TOGARAM1: variants seen among roughly 807,000 people sequenced by gnomAD.
The protein encoded by TOGARAM1 is TOG array regulator of axonemal microtubules 1, also known as TOG array regulator of axonemal microtubules protein 1.
Under a neutral mutation model 166.6 loss-of-function variants are expected in TOGARAM1, and 100 were observed. The ratio of observed to expected loss-of-function variants is 0.60; its 90% CI spans 0.51 to 0.71. The LOEUF (loss-of-function observed/expected upper bound fraction) is 0.71, where lower values mean the gene tolerates loss of function less well. Among genes scored for constraint, TOGARAM1 ranks in the 30% least tolerant of loss-of-function variants. The pLI is 0.00. For synonymous variants in TOGARAM1, 758 were observed against 763.8 expected (o/e 0.99, Z 0.13); for missense variants, 2,029 against 2,102.7 (o/e 0.96, Z 0.69).
chr14:44,974,123 C>G (rs748332981), intron 1 of TOGARAM1, among the ~76,000 whole-genome samples: 4 of 151,756 alleles, frequency 2.6e-5, no homozygotes, highest in African/African-American at 4.8e-5. Context: ...TCTATATTCT[C>G]TTCCTAGTAA....
At position 45,001,852 on chromosome 14, in the gene TOGARAM1, A is replaced by G. The variant is rs577132764; in HGVS notation, c.2339-2209A>G. On this transcript the variant is annotated intron_variant, in intron 3 of 19. Transcript: ENST00000361462. Reference sequence around the variant, plus strand: ...GCTACCCTTTCAGATAAGACATAAGATACAGAAGAGGAAAGATTGGAGACC... The same window carrying G: ...GCTACCCTTTCAGATAAGACATAAGGTACAGAAGAGGAAAGATTGGAGACC... 1.1e-4 allele frequency among the ~76,000 whole-genome samples: 16 copies of G among 152,356 alleles called. No individual in the cohort carries two copies. In the Middle Eastern group the frequency reaches 0.01, roughly 97 times the overall value.
intron 1 of TOGARAM1, among the ~76,000 whole-genome samples, chr14:44,974,371 C>T (rs77492628): frequency 1.1e-3 from 160 of 152,034 alleles, no homozygotes; most frequent in Admixed American, 1.9e-3. Context: ...TTAGAAGTAA[C>T]GCTTCATGAC....
At chr14:44,988,651 T>C (rs978507574) in intron 1 of TOGARAM1, among the ~76,000 whole-genome samples, 6 of 152,310 alleles carry the variant, frequency 3.9e-5, no homozygotes, top group South Asian at 2.1e-4. Flanking sequence ...CTTTGAAGAG[T>C]TGGAGTCTAA....
At chr14:45,013,118 A>G (rs558398193) in intron 7 of TOGARAM1, among the ~76,000 whole-genome samples, 5 of 152,242 alleles carry the variant, frequency 3.3e-5, no homozygotes, top group South Asian at 4.1e-4. Flanking sequence ...TCAGACCACC[A>G]TCAGTACCAT....
intron 1 of TOGARAM1, among the ~76,000 whole-genome samples, chr14:44,976,694 T>C (rs1886209912): frequency 6.6e-6 from 1 of 152,182 alleles, no homozygotes; most frequent in South Asian, 2.1e-4. Flanking sequence ...TTTAAACTTT[T>C]AGCTACCAGT....
chr14:44,987,011 A>C (rs1886850315), intron 1 of TOGARAM1, among the ~76,000 whole-genome samples: 1 of 151,640 alleles, frequency 6.6e-6, no homozygotes, highest in African/African-American at 2.4e-5. Context: ...TCTCAAAAAA[A>C]AAAAAAAAGA....
At position 45,045,583 on chromosome 14, in the gene TOGARAM1, ATGTGTGTGTG is replaced by A. The variant is rs1200414644; in HGVS notation, c.4154+739_4154+748del. Among the ~76,000 whole-genome samples the A allele has an allele frequency of 3.5e-3, 132 of 37,418 alleles. 1 individual carries two copies. Among genetic ancestry groups the A allele is most frequent in the African/African-American group, 9.9e-3 (76 of 7,688 alleles). 24.5% of individuals were successfully genotyped at this position (37,418 alleles called of 152,430 possible). A position where few individuals can be genotyped will look rare whatever the true frequency, so the allele number is the denominator to read the frequency against. ...TATATATATATATATATATATATAT[ATGTGTGTGTG>A]TGTGTGTGTGTGTGTGTGTGTGTGT... On this transcript the variant is annotated intron_variant, in intron 13 of 19. Coordinates refer to ENST00000361462, the MANE Select transcript of TOGARAM1 (RefSeq NM_001308120.2).
At chr14:45,008,765 A>G (rs1879610086) in intron 5 of TOGARAM1, 148 bp from the exon 6 acceptor site, 1 of 584,210 alleles carries the variant, frequency 1.7e-6, no homozygotes. Flanking sequence ...TTGATACTAT[A>G]TACATATATA....
At chr14:44,985,553 T>G (rs754591158) in intron 1 of TOGARAM1, among the ~76,000 whole-genome samples, 34 of 152,206 alleles carry the variant, frequency 2.2e-4, no homozygotes, top group Non-Finnish European at 3.2e-4. Flanking sequence ...GCATATGCAG[T>G]TCACAATAGG....
chr14:44,999,096 T>G (rs1887569371), intron 2 of TOGARAM1, among the ~76,000 whole-genome samples: 1 of 152,172 alleles, frequency 6.6e-6, no homozygotes, highest in Non-Finnish European at 1.5e-5. Flanking sequence ...AGAAAGAGTG[T>G]AGGAAGAAAC....
intron 11 of TOGARAM1, among the ~76,000 whole-genome samples, chr14:45,039,078 C>T (rs112423447): frequency 2.6e-5 from 4 of 152,160 alleles, no homozygotes; most frequent in African/African-American, 9.6e-5. Context: ...CTCCTATCCA[C>T]AGGCAGGTCG....
intron 19 of TOGARAM1, among the ~76,000 whole-genome samples, chr14:45,072,884 T>G (rs1316178739): frequency 6.6e-6 from 1 of 152,166 alleles, no homozygotes; most frequent in East Asian, 1.9e-4. Context: ...AATAGGGTAC[T>G]TGGTTACATT....
intron 17 of TOGARAM1, among the ~76,000 whole-genome samples, chr14:45,067,076 C>G (rs956560945): frequency 1.3e-5 from 2 of 152,106 alleles, no homozygotes; most frequent in African/African-American, 4.8e-5. Flanking sequence ...TAATAAATTA[C>G]TTATATACAT....
At chr14:45,063,848 C>G (rs1232214815) in intron 16 of TOGARAM1, among the ~76,000 whole-genome samples, 1 of 152,092 alleles carries the variant, frequency 6.6e-6, no homozygotes, top group African/African-American at 2.4e-5. Flanking sequence ...CGGCCTTGAC[C>G]TTGGGCCCTG....
chr14:45,013,743 A>G (rs967792146), intron 7 of TOGARAM1, among the ~76,000 whole-genome samples: 2 of 152,182 alleles, frequency 1.3e-5, no homozygotes, highest in African/African-American at 4.8e-5. Context: ...AGAAATACAT[A>G]AACTTATCCT....
chr14:45,000,704 C>T (rs1446068430), intron 3 of TOGARAM1, among the ~76,000 whole-genome samples: 5 of 152,068 alleles, frequency 3.3e-5, no homozygotes, highest in Non-Finnish European at 5.9e-5. Flanking sequence ...TTCCTTCTTT[C>T]GATATATGCC....
At chr14:44,978,961 C>G (rs1375994044) in intron 1 of TOGARAM1, among the ~76,000 whole-genome samples, 3 of 151,126 alleles carry the variant, frequency 2.0e-5, no homozygotes, top group Admixed American at 6.6e-5. Context: ...TTGCAAGATC[C>G]CATCTCTCTC....
At chr14:45,024,009 G>C (rs1880681945) in intron 7 of TOGARAM1, among the ~76,000 whole-genome samples, 1 of 152,164 alleles carries the variant, frequency 6.6e-6, no homozygotes, top group Admixed American at 6.5e-5. Flanking sequence ...ACAAAGTGCT[G>C]GGATTACAGG....
chr14:45,073,579 G>T lies in TOGARAM1; in HGVS notation c.*18G>T, dbSNP rs756119127. On this transcript the variant is annotated 3_prime_UTR_variant, in exon 20 of 20. Transcript: ENST00000361462. ...AATTATGAATCTTCGATAAAATACT[G>T]TATGATGAACAAAAGTGTTTACATG... 1.2e-6 allele frequency: 2 copies of T among 1,600,622 alleles called. No homozygotes were observed. Among genetic ancestry groups the T allele is most frequent in the Admixed American group, 3.4e-5 (2 of 58,798 alleles).
Sources: gnomAD v4.1 joint callset for allele counts (sites outside exome capture counted in the v4.1 genomes callset) on GRCh38, gnomAD v4.1.1 for gene constraint, MANE v1.5 for transcripts, NCBI Gene and HGNC (gene_info 2026-07-23, HGNC 2026-07-21) for gene names.